MBOAT1: variants seen among roughly 807,000 people sequenced by gnomAD.
MBOAT1 encodes membrane bound glycerophospholipid O-acyltransferase 1, also known as membrane-bound glycerophospholipid O-acyltransferase 1.
MBOAT1 carries 67 observed loss-of-function variants against 64.4 expected under a neutral mutation model. The observed-to-expected ratio is 1.04, with a 90% confidence interval of 0.85 to 1.27. The LOEUF is 1.27. MBOAT1 is among the 50% of genes most tolerant of loss of function. MBOAT1 has a pLI of 0.00. For synonymous variants in MBOAT1, 229 were observed against 218.9 expected, an observed-to-expected ratio of 1.05 and a Z score of -0.41; for missense variants, 563 against 604.6, an observed-to-expected ratio of 0.93 and a Z score of 0.72.
intron 1 of MBOAT1, among the ~76,000 whole-genome samples, chr6:20,204,707 C>T (rs998563386): frequency 6.6e-6 from 1 of 152,140 alleles, no homozygotes; most frequent in Admixed American, 6.5e-5. Flanking sequence ...GTATGAAAGA[C>T]ACACTGTGTT....
chr6:20,189,614 T>G (rs1446945700), intron 1 of MBOAT1, among the ~76,000 whole-genome samples: 1 of 152,218 alleles, frequency 6.6e-6, no homozygotes. Context: ...ATCATCACCA[T>G]GTTGTACAAT....
Position 20,170,132 on chromosome 6 carries a change from T to C in MBOAT1, c.100-17363A>G, listed in dbSNP as rs565511019. 7.2e-5 allele frequency among the ~76,000 whole-genome samples: 11 copies of C among 152,284 alleles called. No individual in the cohort carries two copies. In the East Asian group the frequency reaches 1.7e-3, roughly 24 times the overall value. ...GGGCAGTTCCCCTGTTATCCCCCCC[T>C]GCAATGATGATGCCCTTCTAGGGGC... On this transcript the variant is annotated intron_variant, in intron 1 of 12. Coordinates refer to ENST00000324607, the MANE Select transcript of MBOAT1 (RefSeq NM_001080480.3).
chr6:20,147,330 G>A (rs1446634554), intron 3 of MBOAT1, among the ~76,000 whole-genome samples: 2 of 152,240 alleles, frequency 1.3e-5, no homozygotes, highest in African/African-American at 4.8e-5. Context: ...TTCTAGGAAG[G>A]AGAGGTGTGG....
intron 11 of MBOAT1, among the ~76,000 whole-genome samples, chr6:20,111,600 C>T (rs955937915): frequency 4.6e-5 from 7 of 151,908 alleles, no homozygotes; most frequent in Non-Finnish European, 8.8e-5. Context: ...GGGAATAATA[C>T]TCTGGATATG....
intron 1 of MBOAT1, among the ~76,000 whole-genome samples, chr6:20,201,966 A>G (rs1339470590): frequency 6.6e-6 from 1 of 152,206 alleles, no homozygotes; most frequent in Non-Finnish European, 1.5e-5. Flanking sequence ...AAAGAATGTA[A>G]TAGATAAATA....
intron 12 of MBOAT1, among the ~76,000 whole-genome samples, chr6:20,103,019 A>G (rs1437436030): frequency 5.3e-5 from 8 of 152,360 alleles, no homozygotes; most frequent in South Asian, 2.1e-4. Context: ...ATGACAATGA[A>G]TGATTATGTA....
chr6:20,199,000 G>GT (rs1332604140), intron 1 of MBOAT1, among the ~76,000 whole-genome samples: 1 of 152,236 alleles, frequency 6.6e-6, no homozygotes, highest in African/African-American at 2.4e-5. Context: ...CAATCACCGA[G>GT]TTTTGGCCAA....
At chr6:20,203,910 CT>C (rs1442234032) in intron 1 of MBOAT1, among the ~76,000 whole-genome samples, 45 of 152,200 alleles carry the variant, frequency 3.0e-4, no homozygotes, top group Non-Finnish European at 5.9e-4. Flanking sequence ...AGGAAAGTAA[CT>C]TTGCTTGTTA....
chr6:20,148,275 A>G (rs1391831787), intron 3 of MBOAT1, among the ~76,000 whole-genome samples: 1 of 151,996 alleles, frequency 6.6e-6, no homozygotes, highest in African/African-American at 2.4e-5. Flanking sequence ...AAATTAGCTG[A>G]GTGTGGTGGT....
rs150204293 is a variant in MBOAT1 at position 20,121,734 on chromosome 6, G to A, written c.907+2674C>T. Among the ~76,000 whole-genome samples the A allele has an allele frequency of 4.1e-3, 620 of 152,228 alleles. 4 individuals carry two copies. The highest frequency in any genetic ancestry group is 0.014 in the African/African-American group (576 of 41,536). Reference sequence around the variant, plus strand: ...ACAGAAAATGGGAGCAGGAGGATAGGAAGAGAAAAGAGAAAAGGAAGGTGG... The same window carrying A: ...ACAGAAAATGGGAGCAGGAGGATAGAAAGAGAAAAGAGAAAAGGAAGGTGG... On this transcript the variant is annotated intron_variant, in intron 8 of 12. Transcript: ENST00000324607.
intron 1 of MBOAT1, among the ~76,000 whole-genome samples, chr6:20,206,966 TACC>T (rs905886709): frequency 6.6e-6 from 1 of 152,196 alleles, no homozygotes; most frequent in East Asian, 1.9e-4. Context: ...TCTTCACTCT[TACC>T]ACCACCAACT....
intron 9 of MBOAT1, 65 bp downstream of exon 9, chr6:20,118,372 C>T: frequency 1.5e-6 from 2 of 1,318,064 alleles, no homozygotes; most frequent in Non-Finnish European, 2.2e-6. Context: ...TCTGGGGATA[C>T]AACACTCAAA....
At chr6:20,190,138 G>A (rs1043606219) in intron 1 of MBOAT1, among the ~76,000 whole-genome samples, 30 of 152,114 alleles carry the variant, frequency 2.0e-4, no homozygotes, top group African/African-American at 6.3e-4. Flanking sequence ...GGGACTACAG[G>A]CACCCGCCAC....
chr6:20,123,852 C>CA (rs1371097171), intron 8 of MBOAT1, among the ~76,000 whole-genome samples: 1 of 152,006 alleles, frequency 6.6e-6, no homozygotes, highest in Non-Finnish European at 1.5e-5. Flanking sequence ...GTCAGGAGAT[C>CA]GAGACCATCC....
Position 20,100,518 on chromosome 6 carries a change from T to G in MBOAT1, c.*1768A>C, listed in dbSNP as rs1759757082. Among the ~76,000 whole-genome samples, 1 of 152,190 alleles carries G rather than the reference T, an allele frequency of 6.6e-6. No homozygotes were observed. Among genetic ancestry groups the G allele is most frequent in the African/African-American group, 2.4e-5 (1 of 41,458 alleles). On this transcript the variant is annotated 3_prime_UTR_variant, in exon 13 of 13. Coordinates refer to ENST00000324607, the MANE Select transcript of MBOAT1 (RefSeq NM_001080480.3). Reference sequence around the variant, plus strand: ...ACATCTACTACTTCTTAACTTCCACTGTCCCAAATAAGGACTAAAGTTTGG... The same window carrying G: ...ACATCTACTACTTCTTAACTTCCACGGTCCCAAATAAGGACTAAAGTTTGG...
At chr6:20,190,934 C>T (rs1231280602) in intron 1 of MBOAT1, among the ~76,000 whole-genome samples, 1 of 152,202 alleles carries the variant, frequency 6.6e-6, no homozygotes, top group African/African-American at 2.4e-5. Context: ...ATAAGGAACT[C>T]TACTTTATGA....
rs146933734 is a variant in MBOAT1, at chr6:20,111,837, C to T, written c.1209+1039G>A. On this transcript the variant is annotated intron_variant, in intron 11 of 12. Coordinates refer to ENST00000324607, the MANE Select transcript of MBOAT1 (RefSeq NM_001080480.3). ...ATACATATATATACATATATATACA[C>T]ATATATATACATATATATATACATA... Among the ~76,000 whole-genome samples the T allele has an allele frequency of 8.1e-3, 748 of 91,968 alleles. 2 individuals carry two copies. The highest frequency in any genetic ancestry group is 0.016 in the East Asian group (39 of 2,508). 60.3% of individuals were successfully genotyped at this position (91,968 alleles called of 152,430 possible).
At chr6:20,175,123 G>A (rs1762303406) in intron 1 of MBOAT1, among the ~76,000 whole-genome samples, 1 of 152,068 alleles carries the variant, frequency 6.6e-6, no homozygotes, top group African/African-American at 2.4e-5. Context: ...CCTAAGTGCT[G>A]ATCTCCTATA....
chr6:20,207,419 C>T lies in MBOAT1; in HGVS notation c.99+4717G>A, dbSNP rs538620095. 5.9e-5 allele frequency among the ~76,000 whole-genome samples: 9 copies of T among 152,276 alleles called. 1 individual carries two copies. The South Asian group carries it at 8.3e-4, about 14-fold the overall frequency. ...ACCCTGATATTCAAATTCAGCAGGACGGGGCAGGATCCCAGAAACACCCAT... is the reference window on the plus strand; with the variant it reads ...ACCCTGATATTCAAATTCAGCAGGATGGGGCAGGATCCCAGAAACACCCAT... On this transcript the variant is annotated intron_variant, in intron 1 of 12. Coordinates refer to ENST00000324607, the MANE Select transcript of MBOAT1 (RefSeq NM_001080480.3).
Sources: gnomAD v4.1 joint callset for allele counts (sites outside exome capture counted in the v4.1 genomes callset) on GRCh38, gnomAD v4.1.1 for gene constraint, MANE v1.5 for transcripts, NCBI Gene and HGNC (gene_info 2026-07-23, HGNC 2026-07-21) for gene names.